Variants in SH3PXD2A observed in about 807,000 individuals in gnomAD.
SH3PXD2A encodes the protein SH3 and PX domains 2A, also known as SH3 and PX domain-containing protein 2A.
In SH3PXD2A, 32 loss-of-function variants were observed where a neutral mutation model predicts 115.2. The ratio of observed to expected loss-of-function variants is 0.28; its 90% CI spans 0.21 to 0.37. The LOEUF (loss-of-function observed/expected upper bound fraction) is 0.37, where lower values mean the gene tolerates loss of function less well. Ranked by LOEUF, SH3PXD2A falls within the 10% of genes least tolerant of loss-of-function variation. The pLI is 1.00. For synonymous variants in SH3PXD2A, 610 were observed against 629.1 expected, an observed-to-expected ratio of 0.97 and a Z score of 0.45; for missense variants, 1,328 against 1,498.7, an observed-to-expected ratio of 0.89 and a Z score of 1.88.
At chr10:103,769,452 T>C (rs5021268) in intron 2 of SH3PXD2A, among the ~76,000 whole-genome samples, 62 of 72,884 alleles carry the variant, frequency 8.5e-4, no homozygotes, top group Admixed American at 2.4e-3. Context: ...TCTTCTTCTT[T>C]TTTTTTTTTT....
intron 1 of SH3PXD2A, among the ~76,000 whole-genome samples, chr10:103,804,946 G>C (rs2039186341): frequency 6.6e-6 from 1 of 152,128 alleles, no homozygotes; most frequent in South Asian, 2.1e-4. Flanking sequence ...GGCAGGAGCA[G>C]AGGCTGAGCC....
At chr10:103,805,677 G>A (rs1327215696) in intron 1 of SH3PXD2A, among the ~76,000 whole-genome samples, 2 of 152,232 alleles carry the variant, frequency 1.3e-5, no homozygotes, top group Non-Finnish European at 2.9e-5. Context: ...GACCACTTGA[G>A]CCCGGGAGTT....
intron 1 of SH3PXD2A, among the ~76,000 whole-genome samples, chr10:103,849,999 A>G (rs1334370253): frequency 6.6e-6 from 1 of 152,208 alleles, no homozygotes; most frequent in Non-Finnish European, 1.5e-5. Context: ...TGGCCAAGAA[A>G]TAGTCTGGTC....
chr10:103,613,013 G>A lies in SH3PXD2A; in HGVS notation c.1098C>T (p.Gly366=), dbSNP rs146591056. 8.7e-6 allele frequency: 14 copies of A among 1,614,106 alleles called. No individual in the cohort carries two copies. The highest frequency in any genetic ancestry group is 2.7e-5 in the African/African-American group (2 of 74,948). The change falls in exon 12 of 15, where the codon GGC becomes GGT. Residue 366 remains glycine, a synonymous_variant. Transcript: ENST00000369774. The stretch of plus-strand genomic sequence containing the variant: ...TGGCAATGGGGGCCTCATGGCCCTC[G>A]CCTTCGGCTGGTGGAGTTTCCTTGT... The part of the protein sequence containing the change: ...SGDKETPPAE[G]EGHEAPIAKK...
At chr10:103,787,375 G>C (rs2038990359) in intron 2 of SH3PXD2A, among the ~76,000 whole-genome samples, 1 of 152,154 alleles carries the variant, frequency 6.6e-6, no homozygotes, top group African/African-American at 2.4e-5. Flanking sequence ...GCAATGGATA[G>C]AGTCTCCCAT....
At chr10:103,816,989 C>G (rs926394564) in intron 1 of SH3PXD2A, among the ~76,000 whole-genome samples, 21 of 140,978 alleles carry the variant, frequency 1.5e-4, no homozygotes, top group Non-Finnish European at 1.5e-5. Context: ...TGCCAACACA[C>G]CCGGCTAATT....
In SH3PXD2A at chr10:103,597,793, A is replaced by C. The variant is rs1482998859; in HGVS notation, c.*4023T>G. ...CTCAGATTGTTTCCATTTTTGATTG[A>C]GAATGCAAGGTATTTGGAGGGGTAG... is the stretch of plus-strand genomic sequence containing the variant. On this transcript the variant is annotated 3_prime_UTR_variant, in exon 15 of 15. Transcript: ENST00000369774. 6.6e-6 allele frequency: 1 copy of C among 152,628 alleles called. No individual in the cohort carries two copies. The highest frequency in any genetic ancestry group is 1.9e-4 in the East Asian group (1 of 5,190). The allele number at this position is 152,628 out of a possible 1,614,324, so 9.5% of individuals were successfully genotyped here. A position where few individuals can be genotyped will look rare whatever the true frequency, so the allele number is the denominator to read the frequency against.
chr10:103,801,243 G>C (rs763686083), intron 2 of SH3PXD2A, 39 bp downstream of exon 2: 2 of 1,283,996 alleles, frequency 1.6e-6, no homozygotes, highest in African/African-American at 2.9e-5. Flanking sequence ...CAGCCCACCA[G>C]AGAGACTTGG....
intron 6 of SH3PXD2A, among the ~76,000 whole-genome samples, chr10:103,692,419 C>T (rs1295045283): frequency 6.6e-6 from 1 of 152,154 alleles, no homozygotes; most frequent in African/African-American, 2.4e-5. Flanking sequence ...GGGTCGGCCC[C>T]CTCCCAAGTG....
At chr10:103,728,252 C>T (rs1028724759) in intron 4 of SH3PXD2A, among the ~76,000 whole-genome samples, 1 of 152,178 alleles carries the variant, frequency 6.6e-6, no homozygotes, top group Non-Finnish European at 1.5e-5. Flanking sequence ...TGACGTGGCA[C>T]CTACCTAGCT....
chr10:103,654,193 C>T (rs1484237415), intron 8 of SH3PXD2A, among the ~76,000 whole-genome samples: 1 of 152,102 alleles, frequency 6.6e-6, no homozygotes, highest in Non-Finnish European at 1.5e-5. Flanking sequence ...ACCAATGGGA[C>T]CCTGACTTGT....
intron 3 of SH3PXD2A, among the ~76,000 whole-genome samples, chr10:103,753,655 T>A (rs2038606611): frequency 6.6e-6 from 1 of 152,178 alleles, no homozygotes; most frequent in African/African-American, 2.4e-5. Context: ...TCAAGTAGAC[T>A]TGTCATTAAA....
chr10:103,609,059 G>C (rs2036383246), intron 13 of SH3PXD2A: 2 of 151,770 alleles, frequency 1.3e-5, no homozygotes, highest in South Asian at 4.2e-4. Flanking sequence ...GGGAGTCTGA[G>C]GCAGGAAAAT....
chr10:103,712,934 C>T lies in SH3PXD2A; in HGVS notation c.398+11336G>A, dbSNP rs1015373591. ...CTTCCTAGCTGAGAGGTAAGTCAACCAGTCTCAGCCTAAGGTCCCTCATCT... is the reference window on the plus strand; with the variant it reads ...CTTCCTAGCTGAGAGGTAAGTCAACTAGTCTCAGCCTAAGGTCCCTCATCT... On this transcript the variant is annotated intron_variant, in intron 5 of 14. Coordinates refer to ENST00000369774, the MANE Select transcript of SH3PXD2A (RefSeq NM_001394015.1). Among the ~76,000 whole-genome samples the T allele has an allele frequency of 2.6e-5, 4 of 152,352 alleles. No individual in the cohort carries two copies. The South Asian group carries it at 8.3e-4, about 32-fold the overall frequency.
intron 1 of SH3PXD2A, among the ~76,000 whole-genome samples, chr10:103,806,848 G>C (rs1415474341): frequency 2.0e-5 from 3 of 152,142 alleles, no homozygotes; most frequent in Admixed American, 6.5e-5. Flanking sequence ...GGGGACCCAG[G>C]GGCTCAGGCC....
rs1437513655 is a variant in SH3PXD2A at position 103,595,880 on chromosome 10, G to A, written c.*5936C>T. 1.3e-5 allele frequency: 2 copies of A among 152,664 alleles called. No homozygotes were observed. The highest frequency in any genetic ancestry group is 4.8e-5 in the African/African-American group (2 of 41,454). 9.5% of individuals were successfully genotyped at this position (152,664 alleles called of 1,614,324 possible). On this transcript the variant is annotated 3_prime_UTR_variant, in exon 15 of 15. Transcript: ENST00000369774. ...CCTTATGGCCTGGGGACCCAGGTTT[G>A]CAGGAGGGAAGTTAACAGTGGGGCT...
At chr10:103,822,716 C>T (rs917237222) in intron 1 of SH3PXD2A, among the ~76,000 whole-genome samples, 1 of 152,128 alleles carries the variant, frequency 6.6e-6, no homozygotes, top group Non-Finnish European at 1.5e-5. Context: ...GAGAATACCC[C>T]CTCTCTCCAA....
chr10:103,763,870 T>C (rs1353742027), intron 3 of SH3PXD2A, among the ~76,000 whole-genome samples: 1 of 152,230 alleles, frequency 6.6e-6, no homozygotes, highest in African/African-American at 2.4e-5. Flanking sequence ...GGAACAGTTT[T>C]GTGGTGCCAT....
intron 5 of SH3PXD2A, 33 bp downstream of exon 5, chr10:103,724,237 C>T: frequency 1.5e-6 from 2 of 1,311,840 alleles, no homozygotes; most frequent in South Asian, 1.5e-5. Context: ...CACGCCTCCC[C>T]AGCACACAGG....
Sources: allele counts gnomAD v4.1 joint callset (sites outside exome capture counted in the v4.1 genomes callset), GRCh38; gene constraint gnomAD v4.1.1; transcripts MANE v1.5; gene names NCBI Gene and HGNC (gene_info 2026-07-23, HGNC 2026-07-21).